The following RASGRF1 variants were observed in gnomAD, a reference collection of about 807,000 sequenced individuals.
RASGRF1 encodes ras-specific guanine nucleotide-releasing factor 1.
In RASGRF1, 40 loss-of-function variants were observed where a neutral mutation model predicts 138.7. That is an observed-to-expected ratio of 0.29 (90% CI 0.22 to 0.38). The LOEUF is 0.38. Ranked by LOEUF, RASGRF1 falls within the 10% of genes least tolerant of loss-of-function variation. The pLI is 1.00. For synonymous variants in RASGRF1, 614 were observed against 663.2 expected, an observed-to-expected ratio of 0.93 and a Z score of 1.14; for missense variants, 1,108 against 1,650.4, an observed-to-expected ratio of 0.67 and a Z score of 5.69.
chr15:79,076,678 C>T (rs1477417679), intron 1 of RASGRF1, among the ~76,000 whole-genome samples: 3 of 152,166 alleles, frequency 2.0e-5, no homozygotes, highest in African/African-American at 4.8e-5. Context: ...CAAGGCTAGG[C>T]GGAGGTGTTC....
intron 1 of RASGRF1, among the ~76,000 whole-genome samples, chr15:79,075,501 A>G (rs1366617414): frequency 6.6e-6 from 1 of 152,048 alleles, no homozygotes; most frequent in African/African-American, 2.4e-5. Context: ...AGCTGGATCT[A>G]CTTCCCCTCT....
chr15:79,059,526 A>C (rs1427305115), intron 2 of RASGRF1, among the ~76,000 whole-genome samples: 1 of 152,134 alleles, frequency 6.6e-6, no homozygotes, highest in African/African-American at 2.4e-5. Context: ...TGGGGATCAC[A>C]AAAGACCAAT....
intron 13 of RASGRF1, among the ~76,000 whole-genome samples, chr15:79,010,458 A>C (rs1366782884): frequency 6.6e-6 from 1 of 152,234 alleles, no homozygotes; most frequent in Non-Finnish European, 1.5e-5. Flanking sequence ...CAGACTCAAC[A>C]CAAGAGAGTG....
At chr15:79,077,907 G>C (rs1279515153) in intron 1 of RASGRF1, among the ~76,000 whole-genome samples, 2 of 150,580 alleles carry the variant, frequency 1.3e-5, no homozygotes, top group Non-Finnish European at 3.0e-5. Flanking sequence ...GAGAGAAGGG[G>C]TGGGTGGGGT....
intron 5 of RASGRF1, among the ~76,000 whole-genome samples, chr15:79,042,845 C>T (rs1361389209): frequency 6.6e-6 from 1 of 152,208 alleles, no homozygotes; most frequent in Non-Finnish European, 1.5e-5. Context: ...AGCTTCAATC[C>T]TGCAAAGTGC....
chr15:79,036,611 C>T (rs34685179), intron 5 of RASGRF1, among the ~76,000 whole-genome samples: 9,009 of 152,136 alleles, frequency 0.059, 344 homozygotes, highest in East Asian at 0.18. Context: ...AGCATTGAGG[C>T]GGTGGGGGGC....
chr15:78,995,658 T>A, intron 20 of RASGRF1, 82 bp downstream of exon 20: 1 of 1,475,386 alleles, frequency 6.8e-7, no homozygotes, highest in Non-Finnish European at 9.5e-7. Flanking sequence ...TGAATACGGG[T>A]GATGCCTGTG....
chr15:79,084,408 G>A (rs568518067), intron 1 of RASGRF1, among the ~76,000 whole-genome samples: 3 of 152,340 alleles, frequency 2.0e-5, no homozygotes, highest in African/African-American at 2.4e-5. Flanking sequence ...CTGTGAAAGC[G>A]TTGAGTGCAG....
intron 6 of RASGRF1, among the ~76,000 whole-genome samples, chr15:79,034,495 T>C (rs2057190400): frequency 6.6e-6 from 1 of 152,188 alleles, no homozygotes; most frequent in African/African-American, 2.4e-5. Flanking sequence ...ATCTCTAATA[T>C]GGAGAAAATT....
rs12591384 is a variant in RASGRF1, at chr15:78,999,947, C to T, written c.2576-34G>A. On this transcript the variant is annotated intron_variant, in intron 16 of 26. Coordinates refer to ENST00000558480, the MANE Select transcript of RASGRF1 (RefSeq NM_001145648.3). ...AGGAGGGAACCAACCCTCAGCTGTCCCCAGTCCCAACTCCTCAGGCTGTTA... is the reference window on the plus strand; with the variant it reads ...AGGAGGGAACCAACCCTCAGCTGTCTCCAGTCCCAACTCCTCAGGCTGTTA... The T allele has an allele frequency of 8.0e-5, 128 of 1,600,638 alleles. 1 individual carries two copies. The East Asian group carries it at 2.4e-3, about 31-fold the overall frequency.
At position 79,007,754 on chromosome 15, in the gene RASGRF1, T is replaced by G. The variant is rs372791799; in HGVS notation, c.1827-1320A>C. On this transcript the variant is annotated intron_variant, in intron 13 of 26. Transcript: ENST00000558480. ...TTTTGGTAGAGACACGGTTTCACCA[T>G]GTTGCCCAGGCTGGTCTCGAATTCC... is the stretch of plus-strand genomic sequence containing the variant. Among the ~76,000 whole-genome samples, 30 of 152,138 alleles carry G rather than the reference T, an allele frequency of 2.0e-4. No individual in the cohort carries two copies. The East Asian group carries it at 2.9e-3, about 15-fold the overall frequency.
chr15:79,006,342 A>G lies in RASGRF1; in HGVS notation c.1919T>C (p.Val640Ala). ...CGTCAGCCTCTCCAGCAGCCGCTCC[A>G]CACTGGCGTAGCGGATCTGCAGCAC... ...CKVLQIRYAS[V>A]ERLLERLTDL... The change falls in exon 14 of 27, where the codon GTG becomes GCG. Residue 640 changes from valine (V) to alanine (A), a missense_variant. Coordinates refer to ENST00000558480, the MANE Select transcript of RASGRF1 (RefSeq NM_001145648.3). The surrounding 1 kb of genome is among the most constrained non-coding windows in gnomAD (Gnocchi z 4.0). The G allele has an allele frequency of 1.2e-6, 2 of 1,614,224 alleles. No homozygotes were observed. Among genetic ancestry groups the G allele is most frequent in the Non-Finnish European group, 1.7e-6 (2 of 1,180,038 alleles).
rs964745986 is a variant in RASGRF1 at position 79,090,718 on chromosome 15, A to G, written c.-220T>C. On this transcript the variant is annotated 5_prime_UTR_variant, in exon 1 of 27. Transcript: ENST00000558480. Reference sequence around the variant, plus strand: ...CGCTGGAACCTCTTCTCCGCTCCGCAGAGCCCCAGTACCCGGAAGATGCCG... The same window carrying G: ...CGCTGGAACCTCTTCTCCGCTCCGCGGAGCCCCAGTACCCGGAAGATGCCG... 8 of 642,178 alleles carry G rather than the reference A, an allele frequency of 1.2e-5. No individual in the cohort carries two copies. In the African/African-American group the frequency reaches 1.5e-4, roughly 12 times the overall value. 39.8% of individuals were successfully genotyped at this position (642,178 alleles called of 1,614,324 possible). A position where few individuals can be genotyped will look rare whatever the true frequency, so the allele number is the denominator to read the frequency against.
chr15:78,999,733 C>A lies in RASGRF1; in HGVS notation c.2746+10G>T. The A allele has an allele frequency of 6.2e-7, 1 of 1,612,350 alleles. No individual in the cohort carries two copies. On this transcript the variant is annotated intron_variant, in intron 17 of 26. Coordinates refer to ENST00000558480, the MANE Select transcript of RASGRF1 (RefSeq NM_001145648.3). ...GGGAGGACCCTGTGAGTGGAGAACA[C>A]CCCACATACCTGCACTGGCTAAGGA...
chr15:78,979,480 G>A (rs1289596948), intron 24 of RASGRF1, among the ~76,000 whole-genome samples: 2 of 152,150 alleles, frequency 1.3e-5, no homozygotes, highest in East Asian at 3.9e-4. Context: ...ATAGGGAACC[G>A]GGACCCCAGG....
At chr15:79,072,972 C>A (rs2057782549) in intron 1 of RASGRF1, among the ~76,000 whole-genome samples, 1 of 152,174 alleles carries the variant, frequency 6.6e-6, no homozygotes, top group Non-Finnish European at 1.5e-5. Flanking sequence ...AACAATGGGA[C>A]CACATAGGCT....
chr15:79,059,602 T>C (rs2141052751), intron 2 of RASGRF1, among the ~76,000 whole-genome samples: 2 of 152,316 alleles, frequency 1.3e-5, no homozygotes, highest in Middle Eastern at 3.4e-3. Flanking sequence ...AAGCTGGAGC[T>C]AGAGTCGGGC....
intron 1 of RASGRF1, among the ~76,000 whole-genome samples, chr15:79,084,699 G>T (rs1271009160): frequency 6.6e-6 from 1 of 152,114 alleles, no homozygotes; most frequent in African/African-American, 2.4e-5. Context: ...TCTGCCCTTG[G>T]GCTTCTCAAA....
rs1266830816 is a variant in RASGRF1, at chr15:78,973,466, T to G, written c.3495-46A>C. 1.4e-6 allele frequency: 2 copies of G among 1,412,494 alleles called. No individual in the cohort carries two copies. Among genetic ancestry groups the G allele is most frequent in the Non-Finnish European group, 2.0e-6 (2 of 1,006,314 alleles). 87.5% of individuals were successfully genotyped at this position (1,412,494 alleles called of 1,614,324 possible). A position where few individuals can be genotyped will look rare whatever the true frequency, so the allele number is the denominator to read the frequency against. On this transcript the variant is annotated intron_variant, in intron 24 of 26. Coordinates refer to ENST00000558480, the MANE Select transcript of RASGRF1 (RefSeq NM_001145648.3). This position sits in a 1 kb window ranked among gnomAD's most constrained non-coding sequence, Gnocchi z 4.9. The stretch of plus-strand genomic sequence containing the variant: ...ACACAAGTTTTTCATTTTAAAAAAG[T>G]AACGTCTACCAAGAACAGAACATCC...
Sources: allele counts gnomAD v4.1 joint callset (sites outside exome capture counted in the v4.1 genomes callset), GRCh38; gene constraint gnomAD v4.1.1; non-coding constraint Gnocchi (gnomAD v3.1); transcripts MANE v1.5; gene names NCBI Gene and HGNC (gene_info 2026-07-23, HGNC 2026-07-21).